MFAP3L: variants seen among roughly 807,000 people sequenced by gnomAD.
MFAP3L encodes microfibrillar-associated protein 3-like.
A neutral mutation model predicts 20.0 loss-of-function variants in MFAP3L; 5 were observed. The observed-to-expected ratio is 0.25, with a 90% CI of 0.13 to 0.53. MFAP3L has a LOEUF of 0.53. Ranked by LOEUF, MFAP3L falls within the 20% of genes least tolerant of loss-of-function variation. The probability of loss-of-function intolerance (pLI) is 0.96; values close to 1 mark genes in which losing one functional copy is unlikely to be tolerated. For missense variants in MFAP3L, 409 were observed against 527.5 expected (o/e 0.78, Z 2.20); for synonymous variants, 219 against 213.0 (o/e 1.03, Z -0.25).
In MFAP3L at chr4:169,992,870, G is replaced by C. The variant is rs1737833247; in HGVS notation, c.299-561C>G. On this transcript the variant is annotated intron_variant, in intron 2 of 2. Coordinates refer to ENST00000361618, the MANE Select transcript of MFAP3L (RefSeq NM_021647.8). This position sits in a 1 kb window ranked among gnomAD's most constrained non-coding sequence, Gnocchi z 4.3. The stretch of plus-strand genomic sequence containing the variant: ...TTGAAGTAATCCTTGTATGATCTCA[G>C]TTAATTAAAACATAATTTGTATCAT... Among the ~76,000 whole-genome samples, 1 of 152,206 alleles carries C rather than the reference G, an allele frequency of 6.6e-6. No homozygotes were observed. The highest frequency in any genetic ancestry group is 1.9e-4 in the East Asian group (1 of 5,202).
rs1254177576 is a variant in MFAP3L, at chr4:169,989,134, T to C, written c.*2244A>G. 6.6e-6 allele frequency: 1 copy of C among 152,184 alleles called. No homozygotes were observed. The highest frequency in any genetic ancestry group is 1.5e-5 in the Non-Finnish European group (1 of 68,020). The allele number at this position is 152,184 out of a possible 1,614,324, so 9.4% of individuals were successfully genotyped here. ...CTCCATGACAACTGGAAAATTTTTA[T>C]ATTCTAAGAGGTGGTGTTAAAACTT... is the stretch of plus-strand genomic sequence containing the variant. On this transcript the variant is annotated 3_prime_UTR_variant, in exon 3 of 3. Coordinates refer to ENST00000361618, the MANE Select transcript of MFAP3L (RefSeq NM_021647.8).
intron 2 of MFAP3L, among the ~76,000 whole-genome samples, chr4:170,000,261 A>G (rs1306363306): frequency 6.6e-6 from 1 of 152,200 alleles, no homozygotes; most frequent in Non-Finnish European, 1.5e-5. Context: ...CAGTCAGAAC[A>G]TTATTTTGAA....
rs1286895776 is a variant in MFAP3L at position 169,991,797 on chromosome 4, C to A, written c.811G>T (p.Val271Leu). 1.2e-6 allele frequency: 2 copies of A among 1,614,158 alleles called. No homozygotes were observed. Among genetic ancestry groups the A allele is most frequent in the Non-Finnish European group, 1.7e-6 (2 of 1,180,026 alleles). ...VGLEEQGQNF[V>L]RHTPEGQEAA... ...TCCTGGCCCTCTGGAGTATGCCTCACAAAATTCTGCCCCTGCTCCTCCAGC... is the reference window on the plus strand; with the variant it reads ...TCCTGGCCCTCTGGAGTATGCCTCAAAAAATTCTGCCCCTGCTCCTCCAGC... The change falls in exon 3 of 3, where the codon GTG becomes TTG. Residue 271 changes from valine to leucine, a missense_variant. By Grantham distance (32) the Val-to-Leu change is conservative. Coordinates refer to ENST00000361618, the MANE Select transcript of MFAP3L (RefSeq NM_021647.8). The surrounding 1 kb of genome is among the most constrained non-coding windows in gnomAD (Gnocchi z 4.9).
intron 1 of MFAP3L, among the ~76,000 whole-genome samples, chr4:170,007,546 T>C (rs1286328304): frequency 6.6e-6 from 1 of 152,226 alleles, no homozygotes; most frequent in Non-Finnish European, 1.5e-5. Context: ...TACTGCTGCC[T>C]TGATAAACAA....
At chr4:170,006,114 AC>A (rs36081266) in intron 1 of MFAP3L, 104 bp from the exon 2 acceptor site, 8,564 of 821,526 alleles carry the variant, frequency 0.01, 35 homozygotes, top group Non-Finnish European at 0.013. Flanking sequence ...ACATCAACAT[AC>A]TTTTTTTTTT....
chr4:170,013,312 G>A (rs1739498673), intron 1 of MFAP3L, among the ~76,000 whole-genome samples: 1 of 152,090 alleles, frequency 6.6e-6, no homozygotes, highest in Non-Finnish European at 1.5e-5. Context: ...ATCATCAGAA[G>A]GGAGATACTC....
Position 169,990,014 on chromosome 4 carries a change from G to A in MFAP3L, c.*1364C>T, listed in dbSNP as rs573967678. The A allele has an allele frequency of 1.6e-4, 24 of 152,350 alleles. No individual in the cohort carries two copies. The highest frequency in any genetic ancestry group is 5.8e-4 in the African/African-American group (24 of 41,580). The allele number at this position is 152,350 out of a possible 1,614,324, so 9.4% of individuals were successfully genotyped here. On this transcript the variant is annotated 3_prime_UTR_variant, in exon 3 of 3. Coordinates refer to ENST00000361618, the MANE Select transcript of MFAP3L (RefSeq NM_021647.8). ...TCATTGTGAAAAGGAGCAAGGATGT[G>A]AATATTGGTTTGGTTCTGTGTGACA... is the stretch of plus-strand genomic sequence containing the variant.
At chr4:170,015,255 G>C (rs1739625592) in intron 1 of MFAP3L, among the ~76,000 whole-genome samples, 1 of 152,158 alleles carries the variant, frequency 6.6e-6, no homozygotes, top group South Asian at 2.1e-4. Context: ...GGAGTCAGTT[G>C]ATCTCTCCGA....
chr4:170,023,361 AAAG>A, intron 1 of MFAP3L, among the ~76,000 whole-genome samples: 1 of 152,234 alleles, frequency 6.6e-6, no homozygotes, highest in African/African-American at 2.4e-5. Flanking sequence ...TTTAATGAGT[AAAG>A]ACCTCAGGTG....
intron 1 of MFAP3L, among the ~76,000 whole-genome samples, chr4:170,009,580 C>T (rs1739250866): frequency 6.6e-6 from 1 of 152,076 alleles, no homozygotes; most frequent in African/African-American, 2.4e-5. Flanking sequence ...GCTTTCAAAA[C>T]CAGGGCTTAA....
In MFAP3L at chr4:169,992,352, C is replaced by A; in HGVS notation, c.299-43G>T. Reference sequence around the variant, plus strand: ...AGAGAATTCAACCAAGGACACAGAGCTCCCATGACTACAAACTGATACGTT... The same window carrying A: ...AGAGAATTCAACCAAGGACACAGAGATCCCATGACTACAAACTGATACGTT... On this transcript the variant is annotated intron_variant, in intron 2 of 2. Transcript: ENST00000361618. This position sits in a 1 kb window ranked among gnomAD's most constrained non-coding sequence, Gnocchi z 4.3. The A allele has an allele frequency of 6.8e-7, 1 of 1,473,268 alleles. No homozygotes were observed. The highest frequency in any genetic ancestry group is 9.3e-7 in the Non-Finnish European group (1 of 1,074,760). 91.3% of individuals were successfully genotyped at this position (1,473,268 alleles called of 1,614,324 possible). A position where few individuals can be genotyped will look rare whatever the true frequency, so the allele number is the denominator to read the frequency against.
intron 1 of MFAP3L, among the ~76,000 whole-genome samples, chr4:170,022,252 A>T (rs1581530348): frequency 1.3e-5 from 2 of 152,114 alleles, no homozygotes; most frequent in African/African-American, 4.8e-5. Flanking sequence ...CTGGTTCCAG[A>T]CCTCTACTGG....
chr4:170,003,367 C>T (rs1404264837), intron 2 of MFAP3L, among the ~76,000 whole-genome samples: 1 of 152,050 alleles, frequency 6.6e-6, no homozygotes. Context: ...CATCTTAGCA[C>T]CCACAAACAA....
At chr4:170,003,062 T>C (rs1199461333) in intron 2 of MFAP3L, among the ~76,000 whole-genome samples, 1 of 152,212 alleles carries the variant, frequency 6.6e-6, no homozygotes, top group Non-Finnish European at 1.5e-5. Context: ...GTTTTCTGTG[T>C]ATTGCTTGGT....
chr4:170,024,220 G>A (rs1464265834), intron 1 of MFAP3L, among the ~76,000 whole-genome samples: 1 of 152,132 alleles, frequency 6.6e-6, no homozygotes. Context: ...GAAGCCAAGG[G>A]CAGTATGTAA....
intron 2 of MFAP3L, among the ~76,000 whole-genome samples, chr4:169,995,877 A>C (rs561349852): frequency 6.6e-6 from 1 of 152,178 alleles, no homozygotes; most frequent in African/African-American, 2.4e-5. Flanking sequence ...TTCTACATGC[A>C]ATGATTTTGG....
intron 2 of MFAP3L, among the ~76,000 whole-genome samples, chr4:170,004,767 T>C (rs1738920214): frequency 6.6e-6 from 1 of 152,290 alleles, no homozygotes; most frequent in South Asian, 2.1e-4. Flanking sequence ...AAGAAACTAA[T>C]AAGCTGCTAC....
intron 2 of MFAP3L, among the ~76,000 whole-genome samples, chr4:170,000,824 G>A (rs1443015015): frequency 6.6e-6 from 1 of 152,080 alleles, no homozygotes; most frequent in Non-Finnish European, 1.5e-5. Flanking sequence ...CCAGGCTCAT[G>A]CAATCGTCCC....
rs746826960 is a variant in MFAP3L, at chr4:169,991,915, G to T, written c.693C>A (p.Ala231=). ...TCCTGGCAAGCTCTTCGATGTAGCG[G>T]GCGAACTCCATGGTTTTGAACTGGG... ...KVTQFKTMEF[A]RYIEELARSV... is the part of the protein sequence containing the mutation. Residue 231 remains alanine, a synonymous_variant, in exon 3 of 3, where the codon GCC becomes GCA. Coordinates refer to ENST00000361618, the MANE Select transcript of MFAP3L (RefSeq NM_021647.8). The surrounding 1 kb of genome is among the most constrained non-coding windows in gnomAD (Gnocchi z 4.9). 14 of 1,614,078 alleles carry T rather than the reference G, an allele frequency of 8.7e-6. No homozygotes were observed. Among genetic ancestry groups the T allele is most frequent in the Non-Finnish European group, 1.2e-5 (14 of 1,180,048 alleles).
Sources: allele counts gnomAD v4.1 joint callset (sites outside exome capture counted in the v4.1 genomes callset), GRCh38; gene constraint gnomAD v4.1.1; non-coding constraint Gnocchi (gnomAD v3.1); transcripts MANE v1.5; gene names NCBI Gene and HGNC (gene_info 2026-07-23, HGNC 2026-07-21).